SLC24A4: variants seen among roughly 807,000 people sequenced by gnomAD.
SLC24A4 encodes the protein solute carrier family 24 member 4.
A neutral mutation model predicts 79.0 loss-of-function variants in SLC24A4; 53 were observed. The observed-to-expected ratio is 0.67, with a 90% confidence interval of 0.54 to 0.84. The LOEUF (loss-of-function observed/expected upper bound fraction) is 0.84, where lower values mean the gene tolerates loss of function less well. Ranked by LOEUF, SLC24A4 falls within the 40% of genes least tolerant of loss-of-function variation. SLC24A4 has a pLI of 0.00. For synonymous variants in SLC24A4, 323 were observed against 323.8 expected, an observed-to-expected ratio of 1.00 and a Z score of 0.03; for missense variants, 731 against 822.0, an observed-to-expected ratio of 0.89 and a Z score of 1.35.
At position 92,442,082 on chromosome 14, in the gene SLC24A4, GTT is replaced by G. The variant is rs1892532960; in HGVS notation, c.394-5_394-4del. 1 of 1,612,784 alleles carries G rather than the reference GTT, an allele frequency of 6.2e-7. No homozygotes were observed. The highest frequency in any genetic ancestry group is 1.7e-5 in the Admixed American group (1 of 59,980). ...ACCCTGAGGGTCTGTGGTCACTTCCGTTTCAGAGACTCCATCTGAGCGAAGAT... is the reference window on the plus strand; with the variant it reads ...ACCCTGAGGGTCTGTGGTCACTTCCGTCAGAGACTCCATCTGAGCGAAGAT... On this transcript the variant is annotated splice_polypyrimidine_tract_variant and splice_region_variant and intron_variant, in intron 4 of 16. Coordinates refer to ENST00000532405, the MANE Select transcript of SLC24A4 (RefSeq NM_153646.4).
rs1892512279 is a variant in SLC24A4 at position 92,441,783 on chromosome 14, C to G, written c.394-306C>G. ...CACATCGTGTATCTGAGGGAAGTGGCTAGCTCTGAGTGGATGCCTAGGAAG... is the reference window on the plus strand; with the variant it reads ...CACATCGTGTATCTGAGGGAAGTGGGTAGCTCTGAGTGGATGCCTAGGAAG... On this transcript the variant is annotated intron_variant, in intron 4 of 16. Transcript: ENST00000532405. The surrounding 1 kb of genome is among the most constrained non-coding windows in gnomAD (Gnocchi z 4.6). Among the ~76,000 whole-genome samples the G allele has an allele frequency of 1.3e-5, 2 of 152,224 alleles. 1 individual carries two copies. The highest frequency in any genetic ancestry group is 4.1e-4 in the South Asian group (2 of 4,836).
intron 12 of SLC24A4, among the ~76,000 whole-genome samples, chr14:92,461,311 G>A (rs4904920): frequency 0.3 from 45,907 of 152,174 alleles, 8,234 homozygotes; most frequent in Non-Finnish European, 0.39. Flanking sequence ...CTTGCCATAT[G>A]TCAGGCACTA....
At chr14:92,470,250 C>T (rs980171965) in intron 12 of SLC24A4, among the ~76,000 whole-genome samples, 9 of 152,052 alleles carry the variant, frequency 5.9e-5, no homozygotes, top group Non-Finnish European at 1.0e-4. Flanking sequence ...CCAGGGATTC[C>T]GACTTACACT....
chr14:92,468,207 A>G (rs993362669), intron 12 of SLC24A4, among the ~76,000 whole-genome samples: 18 of 152,254 alleles, frequency 1.2e-4, no homozygotes, highest in African/African-American at 4.1e-4. Flanking sequence ...TAAATTTAGC[A>G]AAAGCAGTAC....
At chr14:92,346,502 G>A (rs1247179462) in intron 2 of SLC24A4, among the ~76,000 whole-genome samples, 1 of 152,174 alleles carries the variant, frequency 6.6e-6, no homozygotes, top group Non-Finnish European at 1.5e-5. Flanking sequence ...AATATAACAC[G>A]TTGGGATGAG....
At chr14:92,420,656 C>T (rs1291064507) in intron 2 of SLC24A4, among the ~76,000 whole-genome samples, 1 of 152,128 alleles carries the variant, frequency 6.6e-6, no homozygotes, top group Non-Finnish European at 1.5e-5. Context: ...AAGGTGCGTC[C>T]CAGGGACCTT....
At chr14:92,426,734 G>A (rs1438323770) in intron 2 of SLC24A4, among the ~76,000 whole-genome samples, 3 of 125,836 alleles carry the variant, frequency 2.4e-5, no homozygotes, top group African/African-American at 8.6e-5. Context: ...TCTTAGCAAA[G>A]TTATTTTAAA....
chr14:92,440,091 C>T (rs1270419763), intron 4 of SLC24A4, among the ~76,000 whole-genome samples: 2 of 152,184 alleles, frequency 1.3e-5, no homozygotes, highest in Non-Finnish European at 2.9e-5. Flanking sequence ...GTGACATTTG[C>T]AGCTGGGAGG....
chr14:92,498,012 G>A lies in SLC24A4; in HGVS notation c.*4384G>A, dbSNP rs1895990050. The stretch of plus-strand genomic sequence containing the variant: ...AACCATCCTCCCCTGGGGGCAGTTA[G>A]CAGGAGTACGTGGGGCACGTGAGGT... On this transcript the variant is annotated 3_prime_UTR_variant, in exon 17 of 17. Transcript: ENST00000532405. The A allele has an allele frequency of 6.6e-6, 1 of 152,218 alleles. No homozygotes were observed. 9.4% of individuals were successfully genotyped at this position (152,218 alleles called of 1,614,324 possible). A position where few individuals can be genotyped will look rare whatever the true frequency, so the allele number is the denominator to read the frequency against.
At chr14:92,491,917 G>A (rs1338365798) in intron 15 of SLC24A4, 140 bp downstream of exon 15, 18 of 718,308 alleles carry the variant, frequency 2.5e-5, no homozygotes, top group Non-Finnish European at 4.3e-5. Context: ...GGCTTCTAGA[G>A]CACCTTAGGG....
intron 2 of SLC24A4, among the ~76,000 whole-genome samples, chr14:92,387,547 G>C (rs936539310): frequency 6.6e-6 from 1 of 152,062 alleles, no homozygotes; most frequent in African/African-American, 2.4e-5. Context: ...CTTTTATTGT[G>C]GTAAGATATA....
At chr14:92,458,058 G>A (rs530447586) in intron 12 of SLC24A4, among the ~76,000 whole-genome samples, 3 of 152,320 alleles carry the variant, frequency 2.0e-5, no homozygotes, top group Admixed American at 2.0e-4. Context: ...CTCTGGGTTA[G>A]AGATTCCAGG....
Position 92,495,486 on chromosome 14 carries a change from A to G in SLC24A4, c.*1858A>G, listed in dbSNP as rs1236836441. On this transcript the variant is annotated 3_prime_UTR_variant, in exon 17 of 17. Transcript: ENST00000532405. ...AAGAGGGAAGGCAGGGCCCCTGTAG[A>G]TTCACCAGTATAAACTTCAGCTGCA... is the stretch of plus-strand genomic sequence containing the variant. 6.6e-6 allele frequency: 1 copy of G among 152,112 alleles called. No individual in the cohort carries two copies. The highest frequency in any genetic ancestry group is 1.9e-4 in the East Asian group (1 of 5,192). 9.4% of individuals were successfully genotyped at this position (152,112 alleles called of 1,614,324 possible).
intron 2 of SLC24A4, among the ~76,000 whole-genome samples, chr14:92,370,899 A>C (rs959119862): frequency 6.6e-6 from 1 of 152,266 alleles, no homozygotes; most frequent in Non-Finnish European, 1.5e-5. Context: ...CAGACTTCTC[A>C]GCAGCAGTGC....
Position 92,447,378 on chromosome 14 carries a change from G to A in SLC24A4, c.691G>A (p.Gly231Ser). 1.2e-6 allele frequency: 2 copies of A among 1,614,148 alleles called. No individual in the cohort carries two copies. Among genetic ancestry groups the A allele is most frequent in the Non-Finnish European group, 1.7e-6 (2 of 1,180,000 alleles). The change falls in exon 9 of 17, where the codon GGC becomes AGC. Residue 231 changes from glycine to serine, a missense_variant. Gly to Ser is a moderately conservative substitution (Grantham distance 56). Transcript: ENST00000532405. The stretch of plus-strand genomic sequence containing the variant: ...CTCCTTTCTCTCTTTGAGGTGGGAA[G>A]GCCTGGTGCTCATCATCTTGTATGT... ...IYDEQIVWWE[G>S]LVLIILYVFY... is the part of the protein sequence containing the mutation.
chr14:92,367,502 C>T (rs74072677), intron 2 of SLC24A4, among the ~76,000 whole-genome samples: 6 of 152,174 alleles, frequency 3.9e-5, no homozygotes, highest in African/African-American at 1.2e-4. Flanking sequence ...GGTTGGTCTC[C>T]GGCCTACCTG....
At chr14:92,449,997 A>T (rs12889026) in intron 10 of SLC24A4, among the ~76,000 whole-genome samples, 1 of 152,238 alleles carries the variant, frequency 6.6e-6, no homozygotes, top group African/African-American at 2.4e-5. Flanking sequence ...GCTGCCGGGA[A>T]GGAGAGAGCG....
intron 1 of SLC24A4, among the ~76,000 whole-genome samples, chr14:92,325,509 G>A (rs1437125428): frequency 1.3e-5 from 2 of 152,192 alleles, no homozygotes; most frequent in Non-Finnish European, 2.9e-5. Context: ...CTATTCATTC[G>A]TGAAGTTCCT....
At chr14:92,403,080 T>C (rs1890194077) in intron 2 of SLC24A4, among the ~76,000 whole-genome samples, 1 of 152,088 alleles carries the variant, frequency 6.6e-6, no homozygotes, top group Admixed American at 6.5e-5. Flanking sequence ...GGCTTTCAGG[T>C]CCTGCAGAAG....
Sources: gnomAD v4.1 joint callset for allele counts (sites outside exome capture counted in the v4.1 genomes callset) on GRCh38, gnomAD v4.1.1 for gene constraint, Gnocchi (gnomAD v3.1) non-coding constraint, MANE v1.5 for transcripts, NCBI Gene and HGNC (gene_info 2026-07-23, HGNC 2026-07-21) for gene names.